RGS7: variants seen among roughly 807,000 people sequenced by gnomAD.
RGS7 encodes the protein regulator of G protein signaling 7.
RGS7 carries 27 observed loss-of-function variants against 81.1 expected under a neutral mutation model. The ratio of observed to expected loss-of-function variants is 0.33; its 90% CI spans 0.25 to 0.46. The LOEUF (loss-of-function observed/expected upper bound fraction) is 0.46. RGS7 is among the 20% of genes least tolerant of loss of function. The probability of loss-of-function intolerance (pLI) is 1.00; values close to 1 mark genes in which losing one functional copy is unlikely to be tolerated. For missense variants in RGS7, 396 were observed against 607.4 expected (o/e 0.65, Z 3.66); for synonymous variants, 208 against 207.7 (o/e 1.00, Z -0.01).
chr1:241,080,538 TA>T lies in RGS7; in HGVS notation c.175+18127del, dbSNP rs964839593. Among the ~76,000 whole-genome samples, 129 of 152,276 alleles carry T rather than the reference TA, an allele frequency of 8.5e-4. 1 individual carries two copies. Among genetic ancestry groups the T allele is most frequent in the Middle Eastern group, 6.8e-3 (2 of 294 alleles). ...TAATCCAAGCCTCTGGAGGTGGTAATAAAGTCATTAATAATAATGGTAAAAA... is the reference window on the plus strand; with the variant it reads ...TAATCCAAGCCTCTGGAGGTGGTAATAAGTCATTAATAATAATGGTAAAAA... On this transcript the variant is annotated intron_variant, in intron 3 of 18. Transcript: ENST00000440928.
chr1:240,831,038 T>C (rs566073408), intron 9 of RGS7, among the ~76,000 whole-genome samples: 2 of 152,344 alleles, frequency 1.3e-5, no homozygotes, highest in East Asian at 3.9e-4. Flanking sequence ...GCATTGATTT[T>C]AAAAGTAAAT....
intron 10 of RGS7, among the ~76,000 whole-genome samples, chr1:240,817,938 T>C (rs976320505): frequency 6.6e-6 from 1 of 152,198 alleles, no homozygotes; most frequent in African/African-American, 2.4e-5. Flanking sequence ...CCTTTCTTTA[T>C]AGATTTTAAC....
intron 3 of RGS7, among the ~76,000 whole-genome samples, chr1:241,052,788 C>T (rs898144185): frequency 1.3e-5 from 2 of 150,714 alleles, no homozygotes; most frequent in Admixed American, 6.6e-5. Flanking sequence ...TTCTGCATAG[C>T]GTGGATGCTT....
rs908107552 is a variant in RGS7, at chr1:240,993,253, GAAAGAAAGAAAGAA to G, written c.176-10138_176-10125del. Among the ~76,000 whole-genome samples the G allele has an allele frequency of 9.1e-4, 134 of 147,530 alleles. 1 individual carries two copies. Among genetic ancestry groups the G allele is most frequent in the African/African-American group, 3.0e-3 (116 of 38,410 alleles). ...AAGAAGGAGAAAGAAAGAGAGGAAA[GAAAGAAAGAAAGAA>G]AAAGAAAGAAAGAGAGAGAGAGAGA... On this transcript the variant is annotated intron_variant, in intron 3 of 18. Transcript: ENST00000440928.
intron 3 of RGS7, among the ~76,000 whole-genome samples, chr1:241,013,221 C>T (rs1295539811): frequency 6.6e-6 from 1 of 152,036 alleles, no homozygotes; most frequent in Non-Finnish European, 1.5e-5. Flanking sequence ...CACCACCATG[C>T]TCAACTAATA....
intron 18 of RGS7, among the ~76,000 whole-genome samples, chr1:240,784,614 C>T (rs1684746818): frequency 6.6e-6 from 1 of 151,584 alleles, no homozygotes; most frequent in African/African-American, 2.4e-5. Flanking sequence ...CCACTGCGCT[C>T]CAGCCTGGGC....
intron 2 of RGS7, among the ~76,000 whole-genome samples, chr1:241,151,888 T>A (rs1207992949): frequency 6.6e-6 from 1 of 152,144 alleles, no homozygotes; most frequent in Non-Finnish European, 1.5e-5. Context: ...TTGGCACCCA[T>A]CGATATCATG....
intron 2 of RGS7, among the ~76,000 whole-genome samples, chr1:241,127,648 A>T (rs1438135392): frequency 6.6e-6 from 1 of 152,174 alleles, no homozygotes; most frequent in East Asian, 1.9e-4. Context: ...CATATGTAAC[A>T]AACCTGCACG....
chr1:240,834,573 T>G (rs1324846277), intron 9 of RGS7, among the ~76,000 whole-genome samples: 1 of 152,108 alleles, frequency 6.6e-6, no homozygotes, highest in Non-Finnish European at 1.5e-5. Context: ...TGCAGGGGCG[T>G]GACCTCGGCT....
chr1:241,156,576 GGAGAGGAGGGGAGGGGAGAC>G (rs928641894), intron 2 of RGS7, among the ~76,000 whole-genome samples: 5 of 146,156 alleles, frequency 3.4e-5, no homozygotes, highest in Admixed American at 3.4e-4. Context: ...AAGGGAAAGG[GGAGAGGAGGGGAGGGGAGAC>G]GAGGGGAGGG....
At chr1:241,050,624 C>T (rs528140135) in intron 3 of RGS7, among the ~76,000 whole-genome samples, 2 of 152,140 alleles carry the variant, frequency 1.3e-5, no homozygotes, top group African/African-American at 4.8e-5. Context: ...TCTGCTTATC[C>T]CTGGATTTTC....
intron 2 of RGS7, among the ~76,000 whole-genome samples, chr1:241,200,910 A>G (rs1257521265): frequency 3.3e-5 from 5 of 152,116 alleles, no homozygotes; most frequent in African/African-American, 1.2e-4. Flanking sequence ...CCAAGTGCAA[A>G]ATCCAACCCT....
chr1:240,883,050 G>T (rs1299759372), intron 6 of RGS7, among the ~76,000 whole-genome samples: 1 of 151,996 alleles, frequency 6.6e-6, no homozygotes, highest in Non-Finnish European at 1.5e-5. Flanking sequence ...TTTCATCCAT[G>T]TCCCTACAAA....
At chr1:240,814,310 C>A (rs1398863554) in intron 12 of RGS7, among the ~76,000 whole-genome samples, 4 of 152,120 alleles carry the variant, frequency 2.6e-5, no homozygotes, top group Non-Finnish European at 4.4e-5. Flanking sequence ...GAGTTTCATT[C>A]ATATTCTGAA....
At chr1:240,862,913 T>G (rs1346808414) in intron 9 of RGS7, among the ~76,000 whole-genome samples, 1 of 150,812 alleles carries the variant, frequency 6.6e-6, no homozygotes, top group Non-Finnish European at 1.5e-5. Flanking sequence ...GAATAATTTC[T>G]GTAAACTAAA....
At chr1:241,122,480 T>C (rs540745281) in intron 2 of RGS7, among the ~76,000 whole-genome samples, 3 of 152,182 alleles carry the variant, frequency 2.0e-5, no homozygotes, top group Admixed American at 6.5e-5. Flanking sequence ...TTGACTAACA[T>C]GGTGAAACCC....
chr1:241,270,115 C>A (rs1248019116), intron 2 of RGS7, among the ~76,000 whole-genome samples: 1 of 152,130 alleles, frequency 6.6e-6, no homozygotes, highest in Non-Finnish European at 1.5e-5. Context: ...AGCCTCACCC[C>A]TCTGAAAGAC....
intron 4 of RGS7, among the ~76,000 whole-genome samples, chr1:240,963,340 T>G (rs1457344302): frequency 6.6e-6 from 1 of 152,118 alleles, no homozygotes; most frequent in African/African-American, 2.4e-5. Context: ...TTTGTAGTGG[T>G]TATCATACCA....
chr1:240,960,031 G>A (rs1000724641), intron 4 of RGS7, among the ~76,000 whole-genome samples: 2 of 151,776 alleles, frequency 1.3e-5, no homozygotes, highest in Admixed American at 6.6e-5. Context: ...GTGGTGGCGT[G>A]TGCCTGCAGT....
Sources: allele counts gnomAD v4.1 joint callset (sites outside exome capture counted in the v4.1 genomes callset), GRCh38; gene constraint gnomAD v4.1.1; transcripts MANE v1.5; gene names NCBI Gene and HGNC (gene_info 2026-07-23, HGNC 2026-07-21).